WHRN: variants seen among roughly 807,000 people sequenced by gnomAD.
WHRN encodes the protein CASK-interacting protein CIP98.
A neutral mutation model predicts 68.3 loss-of-function variants in WHRN; 41 were observed. The observed-to-expected ratio is 0.60, with a 90% CI of 0.47 to 0.78. The LOEUF (loss-of-function observed/expected upper bound fraction) is 0.78, where lower values mean the gene tolerates loss of function less well. WHRN is among the 30% of genes least tolerant of loss of function. The probability of loss-of-function intolerance (pLI) is 0.00; values close to 1 mark genes in which losing one functional copy is unlikely to be tolerated. For synonymous variants in WHRN, 560 were observed against 561.3 expected, an observed-to-expected ratio of 1.00 and a Z score of 0.03; for missense variants, 1,243 against 1,244.7, an observed-to-expected ratio of 1.00 and a Z score of 0.02.
At chr9:114,458,590 G>C (rs1027036854) in intron 3 of WHRN, among the ~76,000 whole-genome samples, 1 of 152,182 alleles carries the variant, frequency 6.6e-6, no homozygotes, top group East Asian at 1.9e-4. Context: ...GGCGGCAGAG[G>C]GGGTGGCCCT....
At chr9:114,465,853 C>T (rs915069718) in intron 3 of WHRN, among the ~76,000 whole-genome samples, 2 of 152,204 alleles carry the variant, frequency 1.3e-5, no homozygotes, top group Non-Finnish European at 2.9e-5. Context: ...GCTGGGCACA[C>T]AGTTAGCCCT....
intron 3 of WHRN, among the ~76,000 whole-genome samples, chr9:114,465,954 G>A (rs1218342652): frequency 6.6e-6 from 1 of 152,224 alleles, no homozygotes; most frequent in Admixed American, 6.5e-5. Context: ...CCCCAACCCA[G>A]CTTATCACTT....
In WHRN at chr9:114,426,434, T is replaced by C. The variant is rs2274163; in HGVS notation, c.964-21A>G. On this transcript the variant is annotated intron_variant, in intron 3 of 11. Coordinates refer to ENST00000362057, the MANE Select transcript of WHRN (RefSeq NM_015404.4). ...CCAACCTGCCAAGATCACCACACAATACAGTCACCTGGGCTGTTTGCAGGA... is the reference window on the plus strand; with the variant it reads ...CCAACCTGCCAAGATCACCACACAACACAGTCACCTGGGCTGTTTGCAGGA... 485,857 of 1,612,952 alleles carry C rather than the reference T, an allele frequency of 0.3. 74,742 individuals are homozygous for C. The highest frequency in any genetic ancestry group is 0.43 in the Admixed American group (26,081 of 59,986).
chr9:114,481,156 T>C (rs1413472563), intron 1 of WHRN, among the ~76,000 whole-genome samples: 1 of 152,142 alleles, frequency 6.6e-6, no homozygotes, highest in East Asian at 1.9e-4. Context: ...GGCTGAGCTT[T>C]CAAAGACAGG....
At chr9:114,492,853 A>AAT (rs1427624174) in intron 1 of WHRN, among the ~76,000 whole-genome samples, 1 of 151,766 alleles carries the variant, frequency 6.6e-6, no homozygotes, top group Admixed American at 6.6e-5. Flanking sequence ...CACACACACA[A>AAT]ATATATATAC....
At chr9:114,468,678 G>A (rs1362244365) in intron 2 of WHRN, among the ~76,000 whole-genome samples, 4 of 152,044 alleles carry the variant, frequency 2.6e-5, no homozygotes. Context: ...CATTAGTAAG[G>A]AGGGCCCTGG....
intron 3 of WHRN, among the ~76,000 whole-genome samples, chr9:114,429,432 A>C (rs1837205242): frequency 6.6e-6 from 1 of 152,126 alleles, no homozygotes; most frequent in Non-Finnish European, 1.5e-5. Context: ...TTTGTGCCTC[A>C]CTTTCGTTGG....
intron 3 of WHRN, among the ~76,000 whole-genome samples, chr9:114,433,542 A>G (rs138308287): frequency 6.6e-6 from 1 of 152,316 alleles, no homozygotes; most frequent in African/African-American, 2.4e-5. Flanking sequence ...TTTTATTGCA[A>G]TTATGAATCT....
At chr9:114,424,910 G>C in intron 5 of WHRN, 78 bp downstream of exon 5, 1 of 1,495,304 alleles carries the variant, frequency 6.7e-7, no homozygotes, top group Non-Finnish European at 9.3e-7. Context: ...TAAGTCACTC[G>C]GCACCCTCTG....
intron 3 of WHRN, among the ~76,000 whole-genome samples, chr9:114,430,691 C>T (rs928305643): frequency 8.5e-5 from 13 of 152,220 alleles, no homozygotes; most frequent in African/African-American, 3.1e-4. Context: ...GTAAATATAT[C>T]CCTACCAGAT....
intron 2 of WHRN, among the ~76,000 whole-genome samples, chr9:114,476,347 G>A (rs1159721936): frequency 6.6e-6 from 1 of 151,924 alleles, no homozygotes; most frequent in Admixed American, 6.6e-5. Context: ...AATCCTTGCA[G>A]ACACTGGCCT....
intron 1 of WHRN, among the ~76,000 whole-genome samples, chr9:114,480,299 C>A (rs1164113259): frequency 6.6e-6 from 1 of 152,108 alleles, no homozygotes; most frequent in Non-Finnish European, 1.5e-5. Flanking sequence ...ACTCACTAAG[C>A]ACTAGGATTA....
intron 1 of WHRN, among the ~76,000 whole-genome samples, chr9:114,484,630 T>C (rs1197870420): frequency 2.6e-5 from 4 of 152,186 alleles, no homozygotes; most frequent in African/African-American, 9.7e-5. Flanking sequence ...CTGGTGAAAC[T>C]TGACCCTGGG....
chr9:114,405,468 G>A (rs928480458), intron 9 of WHRN, among the ~76,000 whole-genome samples: 7 of 152,228 alleles, frequency 4.6e-5, no homozygotes, highest in African/African-American at 1.7e-4. Flanking sequence ...AGGATTAAAT[G>A]AGTTAATACT....
intron 3 of WHRN, among the ~76,000 whole-genome samples, chr9:114,463,297 G>A (rs887001275): frequency 2.0e-5 from 3 of 152,196 alleles, no homozygotes; most frequent in Admixed American, 2.0e-4. Flanking sequence ...CATGCAGCAG[G>A]TGTTCTGGGA....
intron 7 of WHRN, among the ~76,000 whole-genome samples, chr9:114,420,129 G>T (rs1564129931): frequency 6.6e-6 from 1 of 152,170 alleles, no homozygotes; most frequent in Non-Finnish European, 1.5e-5. Flanking sequence ...AATATTTAGG[G>T]AATGGGTGGG....
chr9:114,459,040 C>T (rs1589182254), intron 3 of WHRN, among the ~76,000 whole-genome samples: 2 of 152,328 alleles, frequency 1.3e-5, no homozygotes, highest in Admixed American at 1.3e-4. Flanking sequence ...GGATGGGGAT[C>T]TGGCTCCAGA....
chr9:114,498,797 T>C (rs965965319), intron 1 of WHRN, among the ~76,000 whole-genome samples: 2 of 152,136 alleles, frequency 1.3e-5, no homozygotes, highest in African/African-American at 4.8e-5. Context: ...CTAATCCCAA[T>C]GGGGACCTTA....
Position 114,423,526 on chromosome 9 carries a change from G to A in WHRN, c.1417-3C>T, listed in dbSNP as rs1403660908. 1.2e-6 allele frequency: 2 copies of A among 1,603,696 alleles called. No individual in the cohort carries two copies. The highest frequency in any genetic ancestry group is 4.5e-5 in the East Asian group (2 of 44,598). ...CTCACCTCAGAGAGGAGTGAGAACTGGAGGCGGGGACAAAAGGGGCACTCA... is the reference window on the plus strand; with the variant it reads ...CTCACCTCAGAGAGGAGTGAGAACTAGAGGCGGGGACAAAAGGGGCACTCA... On this transcript the variant is annotated splice_region_variant and splice_polypyrimidine_tract_variant and intron_variant, in intron 6 of 11. Coordinates refer to ENST00000362057, the MANE Select transcript of WHRN (RefSeq NM_015404.4).
Sources: gnomAD v4.1 joint callset for allele counts (sites outside exome capture counted in the v4.1 genomes callset) on GRCh38, gnomAD v4.1.1 for gene constraint, MANE v1.5 for transcripts, NCBI Gene and HGNC (gene_info 2026-07-23, HGNC 2026-07-21) for gene names.